PSIP1: variants seen among roughly 807,000 people sequenced by gnomAD.
The protein encoded by PSIP1 is PC4 and SRSF1 interacting protein 1.
Under a neutral mutation model 74.7 loss-of-function variants are expected in PSIP1, and 19 were observed. That is an observed-to-expected ratio of 0.25 (90% CI 0.18 to 0.37). The LOEUF is 0.37. PSIP1 is among the 10% of genes least tolerant of loss of function. The pLI, the probability that PSIP1 is intolerant of heterozygous loss-of-function variation, is 1.00. For synonymous variants in PSIP1, 222 were observed against 195.3 expected (o/e 1.14, Z -1.14); for missense variants, 601 against 614.3 (o/e 0.98, Z 0.23).
intron 15 of PSIP1, 99 bp from the exon 16 acceptor site, chr9:15,465,679 A>T (rs752287994): frequency 9.4e-6 from 9 of 961,740 alleles, no homozygotes; most frequent in Non-Finnish European, 1.1e-5. Flanking sequence ...ACCCATGAAA[A>T]GACTGAAACC....
At chr9:15,487,845 A>G (rs7853678) in intron 4 of PSIP1, among the ~76,000 whole-genome samples, 6,011 of 152,300 alleles carry the variant, frequency 0.039, 388 homozygotes, top group African/African-American at 0.14. Flanking sequence ...ACAGACAAGT[A>G]CAGAAACAAT....
At chr9:15,501,176 T>G (rs1263965196) in intron 3 of PSIP1, among the ~76,000 whole-genome samples, 2 of 151,934 alleles carry the variant, frequency 1.3e-5, no homozygotes, top group African/African-American at 4.8e-5. Context: ...CAGTCAGTAT[T>G]CAAAAACAAA....
intron 10 of PSIP1, chr9:15,470,644 T>TA: frequency 1.1e-6 from 1 of 944,542 alleles, no homozygotes; most frequent in Non-Finnish European, 1.3e-6. Context: ...GGTTTTTTTT[T>TA]TAAAAAAAAC....
chr9:15,509,500 A>C (rs1221159504), intron 2 of PSIP1, among the ~76,000 whole-genome samples: 1 of 152,188 alleles, frequency 6.6e-6, no homozygotes. Context: ...AAAAAGGTAA[A>C]ACAACTTCTT....
intron 14 of PSIP1, among the ~76,000 whole-genome samples, chr9:15,467,804 T>C (rs2035695984): frequency 6.6e-6 from 1 of 152,192 alleles, no homozygotes; most frequent in Non-Finnish European, 1.5e-5. Flanking sequence ...GCCTTACATA[T>C]ATGCTACACA....
intron 6 of PSIP1, 124 bp downstream of exon 6, chr9:15,485,882 T>TA (rs2036538310): frequency 2.5e-5 from 20 of 815,724 alleles, no homozygotes; most frequent in Non-Finnish European, 3.8e-5. Context: ...ACATAACCCA[T>TA]AAAAAATTAA....
rs566283055 is a variant in PSIP1, at chr9:15,510,350, G to A, written c.-141-21C>T. 3.0e-4 allele frequency: 66 copies of A among 221,732 alleles called. 2 individuals carry two copies. The South Asian group carries it at 3.8e-3, about 13-fold the overall frequency. The allele number at this position is 221,732 out of a possible 1,614,324, so 13.7% of individuals were successfully genotyped here. On this transcript the variant is annotated intron_variant, in intron 1 of 15. Transcript: ENST00000380733. ...GCCTGCTAGGGAGAGCACCGAGGGC[G>A]GTTAAAGCGAAGAACCCCGAAGGGA...
At chr9:15,474,780 G>GA (rs1181366694) in intron 8 of PSIP1, among the ~76,000 whole-genome samples, 1 of 152,112 alleles carries the variant, frequency 6.6e-6, no homozygotes, top group Non-Finnish European at 1.5e-5. Flanking sequence ...GGCTCTAGGA[G>GA]AATCAAATAA....
Position 15,467,216 on chromosome 9 carries a change from C to A in PSIP1, c.1421-357G>T, listed in dbSNP as rs372180193. ...GTAATTCTTAGCATATTCATTTATT[C>A]TACCACGGAAAAGCAATGTGAATCA... On this transcript the variant is annotated intron_variant, in intron 14 of 15. Coordinates refer to ENST00000380733, the MANE Select transcript of PSIP1 (RefSeq NM_033222.5). Among the ~76,000 whole-genome samples the A allele has an allele frequency of 3.9e-5, 6 of 152,270 alleles. No individual in the cohort carries two copies. The East Asian group carries it at 9.6e-4, about 24-fold the overall frequency.
At chr9:15,477,395 T>C (rs1341191210) in intron 8 of PSIP1, among the ~76,000 whole-genome samples, 1 of 152,166 alleles carries the variant, frequency 6.6e-6, no homozygotes, top group African/African-American at 2.4e-5. Context: ...ATATGATATA[T>C]TGTTATGTGC....
chr9:15,468,103 AAGAGCGAAACTCC>A (rs1211591452), intron 14 of PSIP1, among the ~76,000 whole-genome samples: 1 of 146,812 alleles, frequency 6.8e-6, no homozygotes, highest in Non-Finnish European at 1.5e-5. Context: ...CCTGGACAAC[AAGAGCGAAACTCC>A]ATCTTTTAAA....
intron 8 of PSIP1, 57 bp from the exon 9 acceptor site, chr9:15,474,294 A>T (rs533132479): frequency 7.1e-7 from 1 of 1,406,252 alleles, no homozygotes; most frequent in Non-Finnish European, 9.7e-7. Flanking sequence ...AGTATTTTAG[A>T]TATCAGTAAG....
At chr9:15,476,874 C>A (rs558749776) in intron 8 of PSIP1, among the ~76,000 whole-genome samples, 13 of 152,184 alleles carry the variant, frequency 8.5e-5, no homozygotes, top group African/African-American at 2.9e-4. Flanking sequence ...CACTATGGTC[C>A]GAAAGTAGGC....
At chr9:15,479,528 A>T (rs1311195788) in intron 7 of PSIP1, 63 bp downstream of exon 7, 1 of 1,315,776 alleles carries the variant, frequency 7.6e-7, no homozygotes, top group Admixed American at 2.2e-5. Flanking sequence ...AGGCAGCAAC[A>T]CTTTAAATGG....
chr9:15,469,040 C>G lies in PSIP1; in HGVS notation c.1123G>C (p.Glu375Gln), dbSNP rs752080992. 3 of 1,613,532 alleles carry G rather than the reference C, an allele frequency of 1.9e-6. No individual in the cohort carries two copies. In the Admixed American group the frequency reaches 5.0e-5, roughly 27 times the overall value. ...AGTGAAGCAAGTTCATCCAAGGCCT[C>G]AATGCATCTGTTCACATCCTTCATG... ...IDNLDVNRCIEALDELASLQV... is the reference protein window; with the variant it reads ...IDNLDVNRCIQALDELASLQV... The change falls in exon 13 of 16, where the codon GAG (glutamate) becomes CAG (glutamine). Residue 375 changes from glutamate to glutamine, a missense_variant. Glu to Gln is a conservative substitution (Grantham distance 29, BLOSUM62 2). Around this residue, in one of 2 missense-constraint regions of PSIP1, gnomAD observed 538 missense variants for 507.6 expected, o/e 1.06. Transcript: ENST00000380733.
Position 15,465,462 on chromosome 9 carries a change from T to C in PSIP1, c.*58A>G. On this transcript the variant is annotated 3_prime_UTR_variant, in exon 16 of 16. Transcript: ENST00000380733. ...AAATTTAAAACTTTCAGCAGTCTAT[T>C]TCAAATGAAAACCATTACAAACTTC... 7.0e-7 allele frequency: 1 copy of C among 1,418,638 alleles called. No homozygotes were observed. The highest frequency in any genetic ancestry group is 9.7e-7 in the Non-Finnish European group (1 of 1,027,962). 87.9% of individuals were successfully genotyped at this position (1,418,638 alleles called of 1,614,324 possible). A position where few individuals can be genotyped will look rare whatever the true frequency, so the allele number is the denominator to read the frequency against.
chr9:15,469,142 A>C (rs2035740015), intron 12 of PSIP1, 84 bp from the exon 13 acceptor site: 1 of 1,419,726 alleles, frequency 7.0e-7, no homozygotes, highest in Non-Finnish European at 9.7e-7. Context: ...TCCAAAAAAA[A>C]AGAGGTAGTG....
intron 3 of PSIP1, among the ~76,000 whole-genome samples, chr9:15,504,045 CA>C (rs778181412): frequency 1.3e-5 from 2 of 152,118 alleles, no homozygotes; most frequent in African/African-American, 2.4e-5. Context: ...GCGCCCAGCC[CA>C]AAAATTAATC....
intron 4 of PSIP1, chr9:15,489,521 T>C (rs757046881): frequency 1.4e-5 from 2 of 143,754 alleles, no homozygotes; most frequent in African/African-American, 2.7e-5. Context: ...GGCAGGACAA[T>C]CACTTGAACC....
Sources: gnomAD v4.1 joint callset for allele counts (sites outside exome capture counted in the v4.1 genomes callset) on GRCh38, gnomAD v4.1.1 for gene constraint, gnomAD v4.1.1 regional missense constraint, MANE v1.5 for transcripts, NCBI Gene and HGNC (gene_info 2026-07-23, HGNC 2026-07-21) for gene names.